The following LHX8 variants were observed in gnomAD, a reference collection of about 807,000 sequenced individuals.
LHX8 encodes LIM homeobox 8.
LHX8 carries 12 observed loss-of-function variants against 40.3 expected under a neutral mutation model. That is an observed-to-expected ratio of 0.30 (90% CI 0.19 to 0.48). The LOEUF is 0.48. LHX8 is among the 20% of genes least tolerant of loss of function. The probability of loss-of-function intolerance (pLI) is 0.99; values close to 1 mark genes in which losing one functional copy is unlikely to be tolerated. For missense variants in LHX8, 344 were observed against 433.7 expected, an observed-to-expected ratio of 0.79 and a Z score of 1.84; for synonymous variants, 179 against 162.0, an observed-to-expected ratio of 1.10 and a Z score of -0.80.
the LHX8 span, among the ~76,000 whole-genome samples, chr1:75,193,322 A>G: frequency 6.6e-6 from 1 of 152,182 alleles, no homozygotes; most frequent in Non-Finnish European, 1.5e-5. Context: ...TTGAGCAGCC[A>G]CTTAGGTTCA....
the LHX8 span, among the ~76,000 whole-genome samples, chr1:75,177,577 G>C: frequency 6.6e-6 from 1 of 152,294 alleles, no homozygotes; most frequent in East Asian, 1.9e-4. Context: ...ATTTTGGGCT[G>C]AGACGATGGG....
the LHX8 span, among the ~76,000 whole-genome samples, chr1:75,186,744 T>G: frequency 2.6e-5 from 4 of 152,056 alleles, no homozygotes; most frequent in East Asian, 5.8e-4. Context: ...ATTTCCTGAG[T>G]GCCAACATAC....
chr1:75,182,369 C>CTT, the LHX8 span, among the ~76,000 whole-genome samples: 160 of 92,322 alleles, frequency 1.7e-3, 2 homozygotes, highest in Non-Finnish European at 2.3e-3. Context: ...TGCCTATTTC[C>CTT]TTTTTTTTTT....
At chr1:75,166,386 G>GCTT (rs1268539392), downstream of LHX8, among the ~76,000 whole-genome samples, 9 of 152,202 alleles carry the variant, frequency 5.9e-5, no homozygotes, top group East Asian at 1.7e-3. Flanking sequence ...AATTTAGTTT[G>GCTT]CAGAAATGAT....
chr1:75,134,949 G>A lies in LHX8; in HGVS notation c.-18G>A. 15 of 985,024 alleles carry A rather than the reference G, an allele frequency of 1.5e-5. No homozygotes were observed. Among genetic ancestry groups the A allele is most frequent in the Non-Finnish European group, 1.8e-5 (15 of 829,598 alleles). 61.0% of individuals were successfully genotyped at this position (985,024 alleles called of 1,614,324 possible). A position where few individuals can be genotyped will look rare whatever the true frequency, so the allele number is the denominator to read the frequency against. ...AGCCTCGAGCCTAAGGCGCTCTCAG[G>A]TCCATGTGAGTCGTGCTTTTGTTCT... On this transcript the variant is annotated 5_prime_UTR_variant, in exon 1 of 9. Coordinates refer to ENST00000356261, the MANE Select transcript of LHX8 (RefSeq NM_001256114.2).
the LHX8 span, among the ~76,000 whole-genome samples, chr1:75,177,366 G>A: frequency 6.6e-6 from 1 of 152,248 alleles, no homozygotes; most frequent in East Asian, 1.9e-4. Context: ...GTGGTTTGTA[G>A]TTCTCCTTGA....
At chr1:75,173,845 ACTT>A in the LHX8 span, among the ~76,000 whole-genome samples, 1 of 152,180 alleles carries the variant, frequency 6.6e-6, no homozygotes, top group East Asian at 1.9e-4. Context: ...GCAAGTGTGT[ACTT>A]CTTCTTTCCA....
rs1226504452 is a variant in LHX8, at chr1:75,161,216, G to A, written c.*321G>A. ...TTTGCCTAAAAGAAAGGACTGACAA[G>A]TGTGCAAAATGTTTACAATCTTTTG... On this transcript the variant is annotated 3_prime_UTR_variant, in exon 9 of 9. Coordinates refer to ENST00000356261, the MANE Select transcript of LHX8 (RefSeq NM_001256114.2). 1.1e-5 allele frequency: 3 copies of A among 274,636 alleles called. No individual in the cohort carries two copies. The East Asian group carries it at 2.6e-4, about 24-fold the overall frequency. 17.0% of individuals were successfully genotyped at this position (274,636 alleles called of 1,614,324 possible). A position where few individuals can be genotyped will look rare whatever the true frequency, so the allele number is the denominator to read the frequency against.
At chr1:75,175,190 C>T in the LHX8 span, among the ~76,000 whole-genome samples, 1 of 152,184 alleles carries the variant, frequency 6.6e-6, no homozygotes, top group Non-Finnish European at 1.5e-5. Context: ...ATCACATTTT[C>T]TTTATCCACT....
At chr1:75,148,312 T>G (rs917685835) in intron 6 of LHX8, among the ~76,000 whole-genome samples, 7 of 152,230 alleles carry the variant, frequency 4.6e-5, no homozygotes, top group African/African-American at 1.7e-4. Flanking sequence ...GTTATAAGAT[T>G]GAAAGAAAAG....
At position 75,161,021 on chromosome 1, in the gene LHX8, G is replaced by T; in HGVS notation, c.*126G>T. The stretch of plus-strand genomic sequence containing the variant: ...CCTAAAGCATTTCCAACATCACTTT[G>T]CTGCCCAGGTATGTATCTATAGTTG... On this transcript the variant is annotated 3_prime_UTR_variant, in exon 9 of 9. Transcript: ENST00000356261. 1 of 741,254 alleles carries T rather than the reference G, an allele frequency of 1.3e-6. No homozygotes were observed. Among genetic ancestry groups the T allele is most frequent in the Non-Finnish European group, 2.4e-6 (1 of 423,332 alleles). 45.9% of individuals were successfully genotyped at this position (741,254 alleles called of 1,614,324 possible). A position where few individuals can be genotyped will look rare whatever the true frequency, so the allele number is the denominator to read the frequency against.
chr1:75,165,938 C>T (rs900001379), downstream of LHX8, among the ~76,000 whole-genome samples: 40 of 152,154 alleles, frequency 2.6e-4, no homozygotes, highest in African/African-American at 9.4e-4. Flanking sequence ...ATCCCAAGGA[C>T]ACTTAAGCCT....
At chr1:75,191,700 G>A in the LHX8 span, among the ~76,000 whole-genome samples, 1 of 152,202 alleles carries the variant, frequency 6.6e-6, no homozygotes, top group Admixed American at 6.5e-5. Context: ...TAGAGGCAAA[G>A]TTTACTAAGA....
chr1:75,157,624 A>G (rs1648805874), intron 8 of LHX8, among the ~76,000 whole-genome samples: 1 of 152,228 alleles, frequency 6.6e-6, no homozygotes, highest in South Asian at 2.1e-4. Flanking sequence ...CTCCCAAAGT[A>G]ACATGGCACT....
upstream of LHX8, among the ~76,000 whole-genome samples, chr1:75,133,304 G>A (rs1648022134): frequency 6.7e-6 from 1 of 150,290 alleles, no homozygotes; most frequent in Non-Finnish European, 1.5e-5. Flanking sequence ...TCTTACACAG[G>A]CTCACTTCAT....
upstream of LHX8, chr1:75,130,712 G>GT (rs770726222): frequency 3.7e-6 from 6 of 1,614,064 alleles, no homozygotes; most frequent in South Asian, 4.4e-5. Context: ...TCTCTGAGGG[G>GT]TTATGCAGAT....
At chr1:75,132,249 C>A (rs1294692179), upstream of LHX8, 1 of 152,312 alleles carries the variant, frequency 6.6e-6, no homozygotes, top group African/African-American at 2.4e-5. Context: ...CCCAGACCGA[C>A]AGGACGATCA....
intron 2 of LHX8, 57 bp from the exon 3 acceptor site, chr1:75,137,043 T>A: frequency 3.3e-6 from 5 of 1,529,218 alleles, no homozygotes; most frequent in Non-Finnish European, 4.4e-6. Flanking sequence ...TGTGGGTAGG[T>A]GGGATGCGAA....
At chr1:75,139,650 CT>C (rs1648258078) in intron 3 of LHX8, among the ~76,000 whole-genome samples, 2 of 152,034 alleles carry the variant, frequency 1.3e-5, no homozygotes, top group African/African-American at 2.4e-5. Flanking sequence ...AGATTTCTTT[CT>C]GTTTTCATTA....
Sources: allele counts gnomAD v4.1 joint callset (sites outside exome capture counted in the v4.1 genomes callset), GRCh38; gene constraint gnomAD v4.1.1; transcripts MANE v1.5; gene names NCBI Gene and HGNC (gene_info 2026-07-23, HGNC 2026-07-21).